The following ADGRG6 variants were observed in gnomAD, a reference collection of about 807,000 sequenced individuals.
ADGRG6 encodes G-protein coupled receptor 126.
Under a neutral mutation model 142.4 loss-of-function variants are expected in ADGRG6, and 84 were observed. That is an observed-to-expected ratio of 0.59 (90% CI 0.49 to 0.71). The LOEUF is 0.71. Among genes scored for constraint, ADGRG6 ranks in the 30% least tolerant of loss-of-function variants. The pLI is 0.00. For missense variants in ADGRG6, 1,367 were observed against 1,466.6 expected, an observed-to-expected ratio of 0.93 and a Z score of 1.11; for synonymous variants, 521 against 520.5, an observed-to-expected ratio of 1.00 and a Z score of -0.01.
Position 142,403,989 on chromosome 6 carries a change from T to C in ADGRG6, c.2127+16T>C. 2 of 1,565,930 alleles carry C rather than the reference T, an allele frequency of 1.3e-6. No homozygotes were observed. Among genetic ancestry groups the C allele is most frequent in the Non-Finnish European group, 1.8e-6 (2 of 1,139,730 alleles). On this transcript the variant is annotated intron_variant, in intron 14 of 24. Coordinates refer to ENST00000367609, the MANE Select transcript of ADGRG6 (RefSeq NM_198569.3). ...GTATTTCCAGGTAATGAGCCAGTGGTTTCTTTCATTTTAATTAATTAGTTA... is the reference window on the plus strand; with the variant it reads ...GTATTTCCAGGTAATGAGCCAGTGGCTTCTTTCATTTTAATTAATTAGTTA...
At chr6:142,373,375 C>T (rs1193061058) in intron 4 of ADGRG6, among the ~76,000 whole-genome samples, 2 of 151,750 alleles carry the variant, frequency 1.3e-5, no homozygotes, top group African/African-American at 4.8e-5. Flanking sequence ...AGTGTGTTAA[C>T]ATATTTGTTT....
rs1249496134 is a variant in ADGRG6 at position 142,443,483 on chromosome 6, T to C, written c.3721T>C (p.Ser1241Pro). 5.6e-6 allele frequency: 9 copies of C among 1,611,528 alleles called. No homozygotes were observed. Among genetic ancestry groups the C allele is most frequent in the African/African-American group, 2.7e-5 (2 of 74,846 alleles). Reference protein sequence around the residue: ...SDNFYKNIIMSDTFSHSTKF With the variant: ...SDNFYKNIIMPDTFSHSTKF Reference sequence around the variant, plus strand: ...CAACTTCTATAAAAATATTATCATGTCAGACACCTTCAGCCACAGCACAAA... The same window carrying C: ...CAACTTCTATAAAAATATTATCATGCCAGACACCTTCAGCCACAGCACAAA... Residue 1241 changes from serine to proline, a missense_variant, in exon 25 of 25, where the codon TCA becomes CCA. By Grantham distance (74) the Ser-to-Pro change is moderately conservative. Transcript: ENST00000367609.
At chr6:142,434,844 T>C (rs1777399274) in intron 22 of ADGRG6, among the ~76,000 whole-genome samples, 1 of 152,132 alleles carries the variant, frequency 6.6e-6, no homozygotes, top group African/African-American at 2.4e-5. Context: ...GTCATTTTAC[T>C]GTGATCAGGA....
chr6:142,343,046 T>C (rs1779735798), intron 2 of ADGRG6, among the ~76,000 whole-genome samples: 2 of 151,728 alleles, frequency 1.3e-5, no homozygotes, highest in Non-Finnish European at 2.9e-5. Context: ...TTTATAAAAG[T>C]TTTATAAAAC....
At chr6:142,360,635 ATTTTC>A (rs1234891308) in intron 2 of ADGRG6, among the ~76,000 whole-genome samples, 4 of 151,696 alleles carry the variant, frequency 2.6e-5, no homozygotes, top group Non-Finnish European at 4.4e-5. Context: ...TGTGCTCTAC[ATTTTC>A]TTTTCTTTTC....
In ADGRG6 at chr6:142,302,372, A is replaced by G. The variant is rs1292142563; in HGVS notation, c.2+41A>G. The G allele has an allele frequency of 3.1e-6, 5 of 1,607,762 alleles. No homozygotes were observed. The African/African-American group carries it at 5.4e-5, about 17-fold the overall frequency. On this transcript the variant is annotated intron_variant, in intron 1 of 24. Coordinates refer to ENST00000367609, the MANE Select transcript of ADGRG6 (RefSeq NM_198569.3). ...CAGCTTGGAATTCCTTCACTCTTTT[A>G]TCTGTGTCCACCTTCTGTCGCCCCC...
chr6:142,337,028 T>TAC (rs772457162), intron 2 of ADGRG6, among the ~76,000 whole-genome samples: 23 of 152,344 alleles, frequency 1.5e-4, no homozygotes, highest in Admixed American at 7.8e-4. Flanking sequence ...GGTCTGCGTC[T>TAC]ACCAGGGCAG....
At chr6:142,315,665 T>G (rs953509844) in intron 2 of ADGRG6, among the ~76,000 whole-genome samples, 2 of 151,942 alleles carry the variant, frequency 1.3e-5, no homozygotes, top group Admixed American at 6.6e-5. Flanking sequence ...ACCCCGACTC[T>G]ACTAAAAATC....
intron 6 of ADGRG6, 93 bp from the exon 7 acceptor site, chr6:142,390,165 T>C (rs1053420013): frequency 6.0e-6 from 3 of 497,850 alleles, no homozygotes; most frequent in Non-Finnish European, 1.0e-5. Flanking sequence ...TATATGATTA[T>C]GTAAGACTTA....
rs1346283420 is a variant in ADGRG6, at chr6:142,309,530, T to C, written c.3-14T>C. ...AATGTTGAATGTCCTAATTGCCATC[T>C]TCTTTCTTTGCAGGATGTTTCGCTC... is the stretch of plus-strand genomic sequence containing the variant. On this transcript the variant is annotated splice_polypyrimidine_tract_variant and intron_variant, in intron 1 of 24. Coordinates refer to ENST00000367609, the MANE Select transcript of ADGRG6 (RefSeq NM_198569.3). The C allele has an allele frequency of 2.5e-6, 4 of 1,588,886 alleles. No individual in the cohort carries two copies. The highest frequency in any genetic ancestry group is 3.4e-6 in the Non-Finnish European group (4 of 1,161,930).
chr6:142,305,336 C>G (rs1404436037), intron 1 of ADGRG6, among the ~76,000 whole-genome samples: 2 of 151,688 alleles, frequency 1.3e-5, no homozygotes, highest in Middle Eastern at 3.4e-3. Context: ...ACCTCTATAC[C>G]TTTTACCCAG....
intron 18 of ADGRG6, among the ~76,000 whole-genome samples, chr6:142,413,712 T>C (rs1776208690): frequency 6.6e-6 from 1 of 152,140 alleles, no homozygotes; most frequent in South Asian, 2.1e-4. Context: ...CCATGTACCC[T>C]GGGTGCCCCG....
intron 2 of ADGRG6, among the ~76,000 whole-genome samples, chr6:142,317,134 G>C (rs773468441): frequency 1.3e-5 from 2 of 152,076 alleles, no homozygotes; most frequent in Non-Finnish European, 2.9e-5. Context: ...TTTCCTTCCA[G>C]CTTGGTAAGC....
chr6:142,330,908 A>T (rs1477199706), intron 2 of ADGRG6, among the ~76,000 whole-genome samples: 1 of 152,094 alleles, frequency 6.6e-6, no homozygotes, highest in Non-Finnish European at 1.5e-5. Flanking sequence ...ATTCTTTCCC[A>T]TGTAAACAAA....
chr6:142,439,595 A>C (rs1279605498), intron 24 of ADGRG6, among the ~76,000 whole-genome samples: 1 of 152,156 alleles, frequency 6.6e-6, no homozygotes, highest in African/African-American at 2.4e-5. Flanking sequence ...AAAAGTTTTG[A>C]GTGTTTAGAC....
Position 142,415,894 on chromosome 6 carries a change from C to T in ADGRG6, c.2768C>T (p.Ser923Phe). The T allele has an allele frequency of 1.2e-6, 2 of 1,613,522 alleles. No individual in the cohort carries two copies. The highest frequency in any genetic ancestry group is 1.1e-5 in the South Asian group (1 of 91,084). The change falls in exon 20 of 25, where the codon TCC becomes TTC. Residue 923 changes from serine (S) to phenylalanine (F), a missense_variant. Coordinates refer to ENST00000367609, the MANE Select transcript of ADGRG6 (RefSeq NM_198569.3). ...TTCCTCCTAGATGGCTGGATCACCT[C>T]CTTCAATGTGGATGGACTTTGCATT... ...LLFLLDGWITSFNVDGLCIAV... is the reference protein window; with the variant it reads ...LLFLLDGWITFFNVDGLCIAV...
chr6:142,392,872 GT>G (rs1774972075), intron 7 of ADGRG6, 75 bp from the exon 8 acceptor site: 2 of 973,072 alleles, frequency 2.1e-6, no homozygotes, highest in African/African-American at 3.2e-5. Flanking sequence ...AACAACTTAT[GT>G]TTTAGGTAGA....
At chr6:142,379,709 G>C (rs1253738830) in intron 4 of ADGRG6, among the ~76,000 whole-genome samples, 1 of 152,186 alleles carries the variant, frequency 6.6e-6, no homozygotes, top group African/African-American at 2.4e-5. Flanking sequence ...AGAGTTTGCA[G>C]TGAGCCAAGA....
chr6:142,354,117 C>T (rs940497369), intron 2 of ADGRG6, among the ~76,000 whole-genome samples: 1 of 152,098 alleles, frequency 6.6e-6, no homozygotes, highest in Non-Finnish European at 1.5e-5. Context: ...AATGTTCAGC[C>T]CTCCTGTAAG....
Sources: allele counts gnomAD v4.1 joint callset (sites outside exome capture counted in the v4.1 genomes callset), GRCh38; gene constraint gnomAD v4.1.1; transcripts MANE v1.5; gene names NCBI Gene and HGNC (gene_info 2026-07-23, HGNC 2026-07-21).